Variants in PLAG1 observed in about 807,000 individuals in gnomAD.
PLAG1 encodes zinc finger protein PLAG1.
PLAG1 carries 7 observed loss-of-function variants against 35.5 expected under a neutral mutation model. The observed-to-expected ratio is 0.20, with a 90% CI of 0.11 to 0.37. The LOEUF (loss-of-function observed/expected upper bound fraction) is 0.37. PLAG1 is among the 10% of genes least tolerant of loss of function. The pLI is 1.00. For missense variants in PLAG1, 454 were observed against 602.8 expected, an observed-to-expected ratio of 0.75 and a Z score of 2.58; for synonymous variants, 229 against 225.4, an observed-to-expected ratio of 1.02 and a Z score of -0.14.
At position 56,163,832 on chromosome 8, in the gene PLAG1, G is replaced by A. The variant is rs908962953; in HGVS notation, c.*2411C>T. 5.3e-6 allele frequency: 1 copy of A among 188,108 alleles called. No individual in the cohort carries two copies. Among genetic ancestry groups the A allele is most frequent in the Non-Finnish European group, 1.1e-5 (1 of 89,128 alleles). The allele number at this position is 188,108 out of a possible 1,614,324, so 11.7% of individuals were successfully genotyped here. On this transcript the variant is annotated 3_prime_UTR_variant, in exon 5 of 5. Coordinates refer to ENST00000316981, the MANE Select transcript of PLAG1 (RefSeq NM_002655.3). Reference sequence around the variant, plus strand: ...CAATGTCTCAGTTCACTAATTTGATGACTTCTTAAGTACATTTTAAACAGA... The same window carrying A: ...CAATGTCTCAGTTCACTAATTTGATAACTTCTTAAGTACATTTTAAACAGA...
intron 1 of PLAG1, among the ~76,000 whole-genome samples, chr8:56,207,509 A>T (rs1812733370): frequency 6.6e-6 from 1 of 152,054 alleles, no homozygotes; most frequent in Admixed American, 6.5e-5. Flanking sequence ...TTTACTATTT[A>T]CTAAAATATT....
intron 1 of PLAG1, among the ~76,000 whole-genome samples, chr8:56,190,908 T>C (rs1043601932): frequency 6.6e-6 from 1 of 152,130 alleles, no homozygotes; most frequent in South Asian, 2.1e-4. Context: ...ATTGGTCCAG[T>C]GAACTAAAGG....
In PLAG1 at chr8:56,168,037, T is replaced by C; in HGVS notation, c.233A>G (p.Lys78Arg). Residue 78 changes from lysine (K) to arginine (R), a missense_variant, in exon 4 of 5, where the codon AAA becomes AGA. This residue lies in a region of PLAG1 where 170 missense variants were observed against 226.3 expected (regional missense o/e 0.75). Transcript: ENST00000316981. ...AAATAGAGTTTAATACCTTTGTAATTTGTACTTAGAAACAAAGGCCTTGGT... is the reference window on the plus strand; with the variant it reads ...AAATAGAGTTTAATACCTTTGTAATCTGTACTTAGAAACAAAGGCCTTGGT... ...DCTKAFVSKY[K>R]LQRHMATHSP... 6.5e-6 allele frequency: 10 copies of C among 1,547,206 alleles called. No homozygotes were observed. The highest frequency in any genetic ancestry group is 8.9e-6 in the Non-Finnish European group (10 of 1,127,620).
chr8:56,184,960 C>A (rs1467268471), intron 1 of PLAG1, among the ~76,000 whole-genome samples: 1 of 152,008 alleles, frequency 6.6e-6, no homozygotes. Flanking sequence ...AAAACAAAAA[C>A]AAAAACCCCA....
chr8:56,193,120 T>C (rs767428161), intron 1 of PLAG1, among the ~76,000 whole-genome samples: 6 of 152,232 alleles, frequency 3.9e-5, no homozygotes, highest in Admixed American at 6.5e-5. Flanking sequence ...TGGTGTGTGA[T>C]AATTGTATTG....
In PLAG1 at chr8:56,166,273, G is replaced by A; in HGVS notation, c.1473C>T (p.Thr491=). The A allele has an allele frequency of 4.4e-6, 7 of 1,603,938 alleles. No individual in the cohort carries two copies. Among genetic ancestry groups the A allele is most frequent in the Non-Finnish European group, 6.0e-6 (7 of 1,175,594 alleles). ...AFTSSLSTST[T]LPRFHQAFQ is the part of the protein sequence containing the mutation. ...GAAAAGCTTGATGGAAACGTGGGAG[G>A]GTGGTACTTGTGCTTAAACTGCTGG... Residue 491 remains threonine, a synonymous_variant, in exon 5 of 5, where the codon ACC becomes ACT. Transcript: ENST00000316981.
At chr8:56,203,765 C>T (rs889134781) in intron 1 of PLAG1, among the ~76,000 whole-genome samples, 2 of 151,914 alleles carry the variant, frequency 1.3e-5, no homozygotes, top group Non-Finnish European at 2.9e-5. Context: ...TATTCTAATG[C>T]TAAAATCCTA....
chr8:56,191,883 T>C (rs1282280008), intron 1 of PLAG1, among the ~76,000 whole-genome samples: 2 of 151,006 alleles, frequency 1.3e-5, no homozygotes, highest in Non-Finnish European at 2.9e-5. Flanking sequence ...AATCTACACA[T>C]ATCAAGCATT....
At chr8:56,175,588 G>A (rs905658668) in intron 2 of PLAG1, among the ~76,000 whole-genome samples, 4 of 152,066 alleles carry the variant, frequency 2.6e-5, no homozygotes, top group Non-Finnish European at 4.4e-5. Context: ...GAATTACTGC[G>A]TTTTATATTT....
chr8:56,163,682 C>T lies in PLAG1; in HGVS notation c.*2561G>A, dbSNP rs1128144. On this transcript the variant is annotated 3_prime_UTR_variant, in exon 5 of 5. Transcript: ENST00000316981. ...GTATGTGTGTGTGTGTGTATATATACACACACACACACACACATACACATA... is the reference window on the plus strand; with the variant it reads ...GTATGTGTGTGTGTGTGTATATATATACACACACACACACACATACACATA... 38,527 of 165,688 alleles carry T rather than the reference C, an allele frequency of 0.23. 4,314 individuals carry two copies. Among genetic ancestry groups the T allele is most frequent in the African/African-American group, 0.33 (13,125 of 40,200 alleles). 10.3% of individuals were successfully genotyped at this position (165,688 alleles called of 1,614,324 possible). A position where few individuals can be genotyped will look rare whatever the true frequency, so the allele number is the denominator to read the frequency against.
At position 56,167,618 on chromosome 8, in the gene PLAG1, C is replaced by T. The variant is rs1811399616; in HGVS notation, c.243-115G>A. On this transcript the variant is annotated intron_variant, in intron 4 of 4. Transcript: ENST00000316981. The surrounding 1 kb of genome is among the most constrained non-coding windows in gnomAD (Gnocchi z 5.9). ...CACAGAATTCCCTTAGTAATGGAAA[C>T]TGTTTAACTTAATATATACCACGAG... 2 of 680,366 alleles carry T rather than the reference C, an allele frequency of 2.9e-6. No individual in the cohort carries two copies. The highest frequency in any genetic ancestry group is 4.9e-6 in the Non-Finnish European group (2 of 407,638). 42.1% of individuals were successfully genotyped at this position (680,366 alleles called of 1,614,324 possible). A position where few individuals can be genotyped will look rare whatever the true frequency, so the allele number is the denominator to read the frequency against.
intron 2 of PLAG1, chr8:56,178,106 A>T (rs759764937): frequency 7.3e-4 from 395 of 538,374 alleles, no homozygotes; most frequent in Non-Finnish European, 9.1e-4. Context: ...ATCATTTAGA[A>T]ATAGCCAGTG....
chr8:56,164,320 A>ATG lies in PLAG1; in HGVS notation c.*1921_*1922dup, dbSNP rs145284198. On this transcript the variant is annotated 3_prime_UTR_variant, in exon 5 of 5. Transcript: ENST00000316981. ...ATTCTATGAAGTGCGGTATGTGTGCATGTGTGTGTGTGTGTGTATTATATA... is the reference window on the plus strand; with the variant it reads ...ATTCTATGAAGTGCGGTATGTGTGCATGTGTGTGTGTGTGTGTGTATTATATA... 32,738 of 214,206 alleles carry ATG rather than the reference A, an allele frequency of 0.15. 2,249 individuals carry two copies. The highest frequency in any genetic ancestry group is 0.21 in the Middle Eastern group (139 of 674). The allele number at this position is 214,206 out of a possible 1,614,324, so 13.3% of individuals were successfully genotyped here. A position where few individuals can be genotyped will look rare whatever the true frequency, so the allele number is the denominator to read the frequency against.
intron 1 of PLAG1, among the ~76,000 whole-genome samples, chr8:56,189,391 G>C (rs1001348157): frequency 6.6e-6 from 1 of 152,176 alleles, no homozygotes; most frequent in African/African-American, 2.4e-5. Flanking sequence ...GTCATGTCCA[G>C]AAAGTTCGTC....
At chr8:56,185,412 TTTTGTA>T (rs990544061) in intron 1 of PLAG1, among the ~76,000 whole-genome samples, 3 of 152,186 alleles carry the variant, frequency 2.0e-5, no homozygotes, top group African/African-American at 7.2e-5. Context: ...ATGGCAGAGT[TTTTGTA>T]TTATAAAAAA....
At chr8:56,190,735 T>C (rs1230319083) in intron 1 of PLAG1, among the ~76,000 whole-genome samples, 1 of 151,708 alleles carries the variant, frequency 6.6e-6, no homozygotes, top group Non-Finnish European at 1.5e-5. Context: ...GAAAGGATAA[T>C]GAATTAGAGG....
intron 1 of PLAG1, among the ~76,000 whole-genome samples, chr8:56,191,162 C>T (rs547104845): frequency 6.6e-6 from 1 of 152,254 alleles, no homozygotes; most frequent in South Asian, 2.1e-4. Flanking sequence ...TGTCACTGTC[C>T]TGAGTCATCT....
chr8:56,208,467 T>C (rs1395099550), intron 1 of PLAG1, among the ~76,000 whole-genome samples: 1 of 152,198 alleles, frequency 6.6e-6, no homozygotes, highest in Non-Finnish European at 1.5e-5. Flanking sequence ...TGATGTTGTA[T>C]AGAGGTATTT....
intron 3 of PLAG1, among the ~76,000 whole-genome samples, chr8:56,169,517 G>A (rs989473958): frequency 2.6e-5 from 4 of 151,952 alleles, no homozygotes; most frequent in East Asian, 1.9e-4. Context: ...ATTCCTCAAC[G>A]TTTATAAAGG....
Sources: gnomAD v4.1 joint callset for allele counts (sites outside exome capture counted in the v4.1 genomes callset) on GRCh38, gnomAD v4.1.1 for gene constraint, gnomAD v4.1.1 regional missense constraint, Gnocchi (gnomAD v3.1) non-coding constraint, MANE v1.5 for transcripts, NCBI Gene and HGNC (gene_info 2026-07-23, HGNC 2026-07-21) for gene names.